Variants in DPP10 observed in about 807,000 individuals in gnomAD.
DPP10 encodes the protein inactive dipeptidyl peptidase 10.
Under a neutral mutation model 120.9 loss-of-function variants are expected in DPP10, and 33 were observed. The ratio of observed to expected loss-of-function variants is 0.27; its 90% CI spans 0.21 to 0.37. The LOEUF is 0.37. DPP10 is among the 10% of genes least tolerant of loss of function. The pLI, the probability that DPP10 is intolerant of heterozygous loss-of-function variation, is 1.00. For synonymous variants in DPP10, 337 were observed against 326.1 expected, an observed-to-expected ratio of 1.03 and a Z score of -0.36; for missense variants, 816 against 942.8, an observed-to-expected ratio of 0.87 and a Z score of 1.76.
chr2:114,925,824 G>A (rs777879633), intron 1 of DPP10, among the ~76,000 whole-genome samples: 17 of 152,128 alleles, frequency 1.1e-4, no homozygotes, highest in South Asian at 4.1e-4. Flanking sequence ...CACATGTGCC[G>A]CTAAAATCAT....
rs1253513767 is a variant in DPP10 at position 114,980,558 on chromosome 2, CTA to C, written c.61-328677_61-328676del. On this transcript the variant is annotated intron_variant, in intron 1 of 25. Coordinates refer to ENST00000410059, the MANE Select transcript of DPP10 (RefSeq NM_020868.6). ...TACATTAGGAAAAATTATCTGTTAC[CTA>C]TATGATGTACGAAAAAGAAAAAGTC... 3.3e-5 allele frequency among the ~76,000 whole-genome samples: 5 copies of C among 150,776 alleles called. No homozygotes were observed. The East Asian group carries it at 7.8e-4, about 24-fold the overall frequency.
chr2:114,485,636 A>G (rs960525240), intron 1 of DPP10, among the ~76,000 whole-genome samples: 1 of 151,802 alleles, frequency 6.6e-6, no homozygotes, highest in Non-Finnish European at 1.5e-5. Flanking sequence ...GCCTCTCATG[A>G]TCTTTGATTA....
chr2:114,716,148 CATGAATG>C (rs1701333165), intron 1 of DPP10, among the ~76,000 whole-genome samples: 1 of 148,694 alleles, frequency 6.7e-6, no homozygotes, highest in Admixed American at 6.7e-5. Flanking sequence ...AAAGTGAAGA[CATGAATG>C]CTAGGAAATA....
chr2:115,570,775 T>C (rs2081292273), intron 5 of DPP10, among the ~76,000 whole-genome samples: 1 of 152,238 alleles, frequency 6.6e-6, no homozygotes, highest in African/African-American at 2.4e-5. Flanking sequence ...AATTAAGTGT[T>C]TGCATAATGG....
chr2:114,972,912 C>G (rs116245040), intron 1 of DPP10, among the ~76,000 whole-genome samples: 1,717 of 152,264 alleles, frequency 0.011, 33 homozygotes, highest in African/African-American at 0.039. Flanking sequence ...ATTTGCTAAT[C>G]ACACAACCAA....
At chr2:115,334,959 G>A (rs777823543) in intron 2 of DPP10, among the ~76,000 whole-genome samples, 144 of 149,510 alleles carry the variant, frequency 9.6e-4, no homozygotes, top group South Asian at 2.1e-3. Context: ...TCATTTTCAC[G>A]CTGCTGATAA....
intron 1 of DPP10, chr2:115,161,807 T>A: frequency 1.3e-6 from 1 of 758,218 alleles, no homozygotes; most frequent in Non-Finnish European, 1.9e-6. Flanking sequence ...GCCGCTCTTC[T>A]TCCCCTCCCC....
intron 1 of DPP10, among the ~76,000 whole-genome samples, chr2:114,959,724 G>A (rs546177732): frequency 6.6e-6 from 1 of 152,282 alleles, no homozygotes; most frequent in South Asian, 2.1e-4. Flanking sequence ...ATTTTCATCA[G>A]CACTTGCTAT....
At chr2:114,537,200 CT>C (rs1169992923) in intron 1 of DPP10, among the ~76,000 whole-genome samples, 1 of 152,098 alleles carries the variant, frequency 6.6e-6, no homozygotes, top group Non-Finnish European at 1.5e-5. Context: ...AGCCAATGAG[CT>C]CAGGGATGTG....
chr2:115,345,591 A>G (rs2063673038), intron 3 of DPP10, among the ~76,000 whole-genome samples: 1 of 152,142 alleles, frequency 6.6e-6, no homozygotes, highest in Non-Finnish European at 1.5e-5. Flanking sequence ...TGGACAAATT[A>G]TAGACATTTT....
chr2:115,186,538 G>A (rs11675397), intron 1 of DPP10, among the ~76,000 whole-genome samples: 1 of 151,962 alleles, frequency 6.6e-6, no homozygotes, highest in Non-Finnish European at 1.5e-5. Context: ...TCTTCCTGGA[G>A]GAGGTGACCT....
intron 1 of DPP10, among the ~76,000 whole-genome samples, chr2:114,928,445 C>T (rs1222049153): frequency 2.6e-5 from 4 of 152,156 alleles, no homozygotes; most frequent in Admixed American, 6.5e-5. Context: ...GAATAATCTA[C>T]ATTGACTACA....
chr2:115,152,855 C>T (rs953423539), intron 1 of DPP10, among the ~76,000 whole-genome samples: 1 of 152,118 alleles, frequency 6.6e-6, no homozygotes, highest in Non-Finnish European at 1.5e-5. Flanking sequence ...TGAGTTAACC[C>T]GCCAGGTTTA....
At chr2:115,516,108 A>G (rs1022018053) in intron 4 of DPP10, among the ~76,000 whole-genome samples, 12 of 152,100 alleles carry the variant, frequency 7.9e-5, no homozygotes, top group African/African-American at 1.2e-4. Flanking sequence ...GTGCATGACA[A>G]CTCAACTAGT....
At chr2:115,375,107 A>C (rs1454790139) in intron 3 of DPP10, among the ~76,000 whole-genome samples, 1 of 152,220 alleles carries the variant, frequency 6.6e-6, no homozygotes, top group Admixed American at 6.5e-5. Flanking sequence ...CAAATTTCCC[A>C]AACTTTTATG....
chr2:115,418,290 G>C (rs1409444611), intron 3 of DPP10, among the ~76,000 whole-genome samples: 1 of 152,070 alleles, frequency 6.6e-6, no homozygotes, highest in East Asian at 1.9e-4. Context: ...TTTGAAGAAA[G>C]GTCGAGAATT....
chr2:115,696,143 A>G lies in DPP10; in HGVS notation c.576+6222A>G, dbSNP rs190485822. Among the ~76,000 whole-genome samples, 159 of 152,240 alleles carry G rather than the reference A, an allele frequency of 1.0e-3. 2 individuals are homozygous for G. Among genetic ancestry groups the G allele is most frequent in the Middle Eastern group, 3.4e-3 (1 of 294 alleles). On this transcript the variant is annotated intron_variant, in intron 7 of 25. Transcript: ENST00000410059. ...TACCATCAAGTGGGGCAACATAAGG[A>G]TTATGGGAATGTTAGAAGTAGAAGA...
intron 1 of DPP10, among the ~76,000 whole-genome samples, chr2:114,963,319 G>T (rs2175176): frequency 0.44 from 66,916 of 151,964 alleles, 15,105 homozygotes; most frequent in East Asian, 0.6. Flanking sequence ...GGACACAAAT[G>T]TCAGTATCTG....
chr2:115,447,427 A>G (rs141288977), intron 3 of DPP10, among the ~76,000 whole-genome samples: 1 of 152,266 alleles, frequency 6.6e-6, no homozygotes, highest in African/African-American at 2.4e-5. Flanking sequence ...GGAAGGCATG[A>G]TTAAAATATG....
Sources: gnomAD v4.1 joint callset for allele counts (sites outside exome capture counted in the v4.1 genomes callset) on GRCh38, gnomAD v4.1.1 for gene constraint, MANE v1.5 for transcripts, NCBI Gene and HGNC (gene_info 2026-07-23, HGNC 2026-07-21) for gene names.